The following OR2C1 variants were observed in gnomAD, a reference collection of about 807,000 sequenced individuals.
The protein encoded by OR2C1 is olfactory receptor family 2 subfamily C member 1, also known as olfactory receptor 2C1.
For synonymous variants in OR2C1, 209 were observed against 167.3 expected (o/e 1.25, Z -1.92); for missense variants, 468 against 388.3 (o/e 1.21, Z -1.73).
the OR2C1 span, among the ~76,000 whole-genome samples, chr16:3,345,725 C>T: frequency 6.6e-6 from 1 of 151,310 alleles, no homozygotes; most frequent in Non-Finnish European, 1.5e-5. Flanking sequence ...CCCTCCCTCC[C>T]TTCTTCCCTT....
chr16:3,330,029 A>C, the OR2C1 span, among the ~76,000 whole-genome samples: 1 of 152,260 alleles, frequency 6.6e-6, no homozygotes, highest in South Asian at 2.1e-4. Context: ...CTGGGATTAC[A>C]GGCATGAGCC....
chr16:3,351,701 G>A (rs1383838366), upstream of OR2C1, among the ~76,000 whole-genome samples: 1 of 152,080 alleles, frequency 6.6e-6, no homozygotes, highest in Non-Finnish European at 1.5e-5. Flanking sequence ...TTACTCCCCA[G>A]CCCTTACATG....
chr16:3,349,405 G>C, the OR2C1 span, among the ~76,000 whole-genome samples: 1 of 152,110 alleles, frequency 6.6e-6, no homozygotes, highest in Non-Finnish European at 1.5e-5. Context: ...AGCAAGCCAG[G>C]CTTCCAACTG....
At chr16:3,352,970 C>T (rs904929490), upstream of OR2C1, among the ~76,000 whole-genome samples, 16 of 151,066 alleles carry the variant, frequency 1.1e-4, no homozygotes, top group African/African-American at 3.9e-4. Context: ...CTCGAACTCC[C>T]GACCTCAAGT....
chr16:3,330,337 C>G, the OR2C1 span, among the ~76,000 whole-genome samples: 1 of 151,774 alleles, frequency 6.6e-6, no homozygotes, highest in Non-Finnish European at 1.5e-5. Flanking sequence ...AGGATGGTCT[C>G]GATCTCCTGA....
the OR2C1 span, among the ~76,000 whole-genome samples, chr16:3,350,407 T>C: frequency 1.3e-5 from 2 of 150,154 alleles, no homozygotes; most frequent in Non-Finnish European, 3.0e-5. Flanking sequence ...TTTGTTTTTT[T>C]GTTTTTTTTG....
At chr16:3,325,458 AAAATAT>A in the OR2C1 span, among the ~76,000 whole-genome samples, 79 of 60,534 alleles carry the variant, frequency 1.3e-3, no homozygotes, top group East Asian at 5.6e-3. Flanking sequence ...ATTATGTCTA[AAAATAT>A]ATATATATAT....
At chr16:3,353,616 C>A (rs778170575), upstream of OR2C1, among the ~76,000 whole-genome samples, 82 of 151,670 alleles carry the variant, frequency 5.4e-4, no homozygotes, top group Non-Finnish European at 1.0e-3. Flanking sequence ...GCCTGGCCAA[C>A]ATGGTGAAAC....
the OR2C1 span, among the ~76,000 whole-genome samples, chr16:3,344,559 C>G: frequency 6.6e-6 from 1 of 152,154 alleles, no homozygotes; most frequent in South Asian, 2.1e-4. Context: ...AACCCCATCT[C>G]TACTAAAAAT....
chr16:3,327,718 G>A, the OR2C1 span, among the ~76,000 whole-genome samples: 33 of 151,900 alleles, frequency 2.2e-4, no homozygotes, highest in African/African-American at 8.0e-4. Context: ...GAGTTCAGTG[G>A]CATCGGTTAA....
At chr16:3,351,199 CTTTTTT>C (rs1567284881), upstream of OR2C1, among the ~76,000 whole-genome samples, 33 of 44,740 alleles carry the variant, frequency 7.4e-4, 1 homozygote, top group African/African-American at 1.7e-3. Context: ...GAATTTAAGT[CTTTTTT>C]CTTTTTTTCT....
At chr16:3,332,910 G>C in the OR2C1 span, among the ~76,000 whole-genome samples, 2 of 152,028 alleles carry the variant, frequency 1.3e-5, no homozygotes, top group Non-Finnish European at 2.9e-5. Flanking sequence ...GGAATTGCTA[G>C]ATCACATGGT....
the OR2C1 span, among the ~76,000 whole-genome samples, chr16:3,327,032 A>G: frequency 6.6e-6 from 1 of 152,166 alleles, no homozygotes; most frequent in African/African-American, 2.4e-5. Flanking sequence ...AACCGAAATA[A>G]TTCTAATAAA....
the OR2C1 span, among the ~76,000 whole-genome samples, chr16:3,329,169 GACACACACACACACACACACACAC>G: frequency 8.7e-6 from 1 of 115,090 alleles, no homozygotes; most frequent in African/African-American, 3.5e-5. Context: ...TGGGAGGGAA[GACACACACACACACACACACACAC>G]ACACACACAC....
In OR2C1 at chr16:3,356,304, C is replaced by T. The variant is rs375481097; in HGVS notation, c.364C>T (p.Arg122Cys). The T allele has an allele frequency of 1.1e-5, 18 of 1,613,174 alleles. No homozygotes were observed. The highest frequency in any genetic ancestry group is 1.1e-4 in the East Asian group (5 of 44,874). The change falls in exon 1 of 1, where the codon CGC (arginine) becomes TGC (cysteine). Residue 122 changes from arginine to cysteine, a missense_variant. Arg to Cys is a radical substitution (Grantham distance 180). Coordinates refer to ENST00000304936, the MANE Select transcript of OR2C1 (RefSeq NM_012368.3). ...CILLVVMAFD[R>C]YVAVCRPLRY... ...CCTGCTGGTGGTGATGGCATTTGACCGCTACGTGGCAGTGTGCCGGCCCCT... is the reference window on the plus strand; with the variant it reads ...CCTGCTGGTGGTGATGGCATTTGACTGCTACGTGGCAGTGTGCCGGCCCCT...
chr16:3,332,656 TC>T, the OR2C1 span, among the ~76,000 whole-genome samples: 1 of 152,078 alleles, frequency 6.6e-6, no homozygotes, highest in Non-Finnish European at 1.5e-5. Context: ...TTCAGTTCCA[TC>T]TGTGATGCTA....
the OR2C1 span, among the ~76,000 whole-genome samples, chr16:3,332,267 T>A: frequency 0.068 from 10,302 of 150,454 alleles, 485 homozygotes; most frequent in Admixed American, 0.1. Context: ...AAAATAAAAA[T>A]TTTTTTTTTG....
At chr16:3,329,642 G>A in the OR2C1 span, among the ~76,000 whole-genome samples, 1 of 151,438 alleles carries the variant, frequency 6.6e-6, no homozygotes, top group Non-Finnish European at 1.5e-5. Flanking sequence ...GTAGAGATGG[G>A]GTTTCACTGT....
chr16:3,345,827 C>CCTTT, the OR2C1 span, among the ~76,000 whole-genome samples: 1 of 129,974 alleles, frequency 7.7e-6, no homozygotes. Flanking sequence ...TTCCTTCCTT[C>CCTTT]CTTCCCTCCT....
Sources: gnomAD v4.1 joint callset for allele counts (sites outside exome capture counted in the v4.1 genomes callset) on GRCh38, gnomAD v4.1.1 for gene constraint, MANE v1.5 for transcripts, NCBI Gene and HGNC (gene_info 2026-07-23, HGNC 2026-07-21) for gene names.